The following NPSR1 variants were observed in gnomAD, a reference collection of about 807,000 sequenced individuals.
The protein encoded by NPSR1 is neuropeptide S receptor.
In NPSR1, 48 loss-of-function variants were observed where a neutral mutation model predicts 46.9. The observed-to-expected ratio is 1.02, with a 90% CI of 0.81 to 1.30. The LOEUF is 1.30. Ranked by LOEUF, NPSR1 falls within the 50% of genes most tolerant of loss-of-function variation. The pLI, the probability that NPSR1 is intolerant of heterozygous loss-of-function variation, is 0.00. For missense variants in NPSR1, 450 were observed against 449.5 expected, an observed-to-expected ratio of 1.00 and a Z score of -0.01; for synonymous variants, 176 against 168.1, an observed-to-expected ratio of 1.05 and a Z score of -0.36.
At chr7:34,693,732 T>C (rs1319479960) in intron 2 of NPSR1, among the ~76,000 whole-genome samples, 1 of 152,100 alleles carries the variant, frequency 6.6e-6, no homozygotes, top group Non-Finnish European at 1.5e-5. Context: ...CTGATGGACA[T>C]AGTTGCAAAA....
chr7:34,722,410 G>T (rs994702754), intron 2 of NPSR1, among the ~76,000 whole-genome samples: 5 of 152,128 alleles, frequency 3.3e-5, no homozygotes, highest in Non-Finnish European at 5.9e-5. Flanking sequence ...AGAAAATAAG[G>T]TCTAGAAATC....
intron 2 of NPSR1, among the ~76,000 whole-genome samples, chr7:34,772,932 A>G (rs1005671129): frequency 4.6e-5 from 7 of 152,150 alleles, no homozygotes; most frequent in Non-Finnish European, 8.8e-5. Context: ...GTCCCTAGAC[A>G]CAAAGAGTCC....
intron 8 of NPSR1, among the ~76,000 whole-genome samples, chr7:34,876,741 T>C (rs926042528): frequency 2.6e-5 from 4 of 152,214 alleles, no homozygotes; most frequent in Admixed American, 2.0e-4. Flanking sequence ...TAGGCTGATA[T>C]CTCTTGAGTC....
chr7:34,845,111 G>A, intron 7 of NPSR1, 129 bp downstream of exon 7: 1 of 702,882 alleles, frequency 1.4e-6, no homozygotes, highest in Middle Eastern at 2.4e-4. Context: ...AGAAAGGAAT[G>A]TGTGAAACTC....
At chr7:34,789,900 A>G (rs1190933799) in intron 3 of NPSR1, among the ~76,000 whole-genome samples, 6 of 152,116 alleles carry the variant, frequency 3.9e-5, no homozygotes, top group African/African-American at 1.4e-4. Flanking sequence ...CCATTCCAAG[A>G]AAAGACCAGG....
At chr7:34,718,977 A>T (rs1783711483) in intron 2 of NPSR1, 1 of 152,260 alleles carries the variant, frequency 6.6e-6, no homozygotes, top group South Asian at 2.1e-4. Context: ...CCCAGTACAC[A>T]GGAAGTGACA....
Position 34,875,475 on chromosome 7 carries a change from G to C in NPSR1, c.1026-2601G>C, listed in dbSNP as rs558750109. Among the ~76,000 whole-genome samples, 201 of 152,340 alleles carry C rather than the reference G, an allele frequency of 1.3e-3. 2 individuals are homozygous for C. Among genetic ancestry groups the C allele is most frequent in the African/African-American group, 4.2e-3 (174 of 41,582 alleles). On this transcript the variant is annotated intron_variant, in intron 8 of 8. Coordinates refer to the NPSR1 transcript ENST00000359791. The stretch of plus-strand genomic sequence containing the variant: ...TCTGATTCAAGGAATGAGATGGAAG[G>C]CTGCAAATTCAGGCAGATCACTAAG...
At chr7:34,703,152 G>A (rs1226733949) in intron 2 of NPSR1, among the ~76,000 whole-genome samples, 3 of 152,208 alleles carry the variant, frequency 2.0e-5, no homozygotes, top group African/African-American at 7.2e-5. Flanking sequence ...GAGGTCAGGA[G>A]ATCGAGACCA....
intron 2 of NPSR1, among the ~76,000 whole-genome samples, chr7:34,692,001 C>T (rs1020083053): frequency 6.6e-6 from 1 of 152,124 alleles, no homozygotes; most frequent in African/African-American, 2.4e-5. Context: ...CATAGTAGCA[C>T]ATGCCTGTAG....
chr7:34,849,535 C>T, intron 8 of NPSR1, 30 bp from the exon 9 acceptor site: 1 of 1,612,868 alleles, frequency 6.2e-7, no homozygotes, highest in Non-Finnish European at 8.5e-7. Flanking sequence ...CAAATTATTT[C>T]CCTCCCTGCT....
intron 2 of NPSR1, among the ~76,000 whole-genome samples, chr7:34,754,704 G>T (rs925993158): frequency 1.3e-5 from 2 of 152,120 alleles, no homozygotes; most frequent in Admixed American, 6.6e-5. Context: ...TATATTCACA[G>T]ATATGTATAA....
chr7:34,810,687 A>T (rs1225250862), intron 3 of NPSR1, among the ~76,000 whole-genome samples: 1 of 152,256 alleles, frequency 6.6e-6, no homozygotes, highest in Admixed American at 6.5e-5. Context: ...TGTGGCAGAA[A>T]AAATTAGTTT....
intron 3 of NPSR1, among the ~76,000 whole-genome samples, chr7:34,802,547 C>T (rs1788473258): frequency 6.7e-6 from 1 of 149,956 alleles, no homozygotes; most frequent in Non-Finnish European, 1.5e-5. Context: ...CTTCCTTACA[C>T]CTCATACAAA....
At chr7:34,755,255 A>G (rs1219551958) in intron 2 of NPSR1, among the ~76,000 whole-genome samples, 1 of 152,194 alleles carries the variant, frequency 6.6e-6, no homozygotes, top group African/African-American at 2.4e-5. Context: ...ATCCTCACCA[A>G]CATTTGTTGT....
chr7:34,846,221 C>G (rs1215757641), intron 7 of NPSR1, among the ~76,000 whole-genome samples: 1 of 152,150 alleles, frequency 6.6e-6, no homozygotes, highest in Non-Finnish European at 1.5e-5. Context: ...TGTATGTTTA[C>G]AAGTGTGTCC....
intron 2 of NPSR1, among the ~76,000 whole-genome samples, chr7:34,757,791 C>A (rs1466056442): frequency 1.3e-5 from 2 of 152,210 alleles, no homozygotes; most frequent in Non-Finnish European, 2.9e-5. Flanking sequence ...TCTGCTCCTA[C>A]CTTCCGATGC....
intron 2 of NPSR1, chr7:34,686,184 T>C (rs1792921086): frequency 1.4e-5 from 2 of 145,680 alleles, no homozygotes; most frequent in Admixed American, 1.3e-4. Flanking sequence ...ACAAAAGTTG[T>C]ATGTTCTAAT....
rs201925034 is a variant in NPSR1, at chr7:34,826,901, A to G, written c.479-500A>G. On this transcript the variant is annotated intron_variant, in intron 4 of 8. Coordinates refer to ENST00000360581, the MANE Select transcript of NPSR1 (RefSeq NM_207172.2). ...CATGTTCCTACCAAAAAAAAAAAAAAAGAAAGAAGTTTCCTTCCCATTTGG... is the reference window on the plus strand; with the variant it reads ...CATGTTCCTACCAAAAAAAAAAAAAGAGAAAGAAGTTTCCTTCCCATTTGG... 3.8e-4 allele frequency among the ~76,000 whole-genome samples: 58 copies of G among 151,142 alleles called. No individual in the cohort carries two copies. In the East Asian group the frequency reaches 9.5e-3, roughly 25 times the overall value.
Position 34,849,856 on chromosome 7 carries a change from G to T in NPSR1, c.*201G>T. 6.7e-6 allele frequency: 9 copies of T among 1,335,322 alleles called. No homozygotes were observed. The South Asian group carries it at 1.4e-4, about 21-fold the overall frequency. 82.7% of individuals were successfully genotyped at this position (1,335,322 alleles called of 1,614,324 possible). ...ACGAACTCCCCAGTTATTCATGCCA[G>T]CCAGGAAGGAAACGCCTTCCTTCCC... is the stretch of plus-strand genomic sequence containing the variant. On this transcript the variant is annotated 3_prime_UTR_variant, in exon 9 of 9. Coordinates refer to ENST00000360581, the MANE Select transcript of NPSR1 (RefSeq NM_207172.2).
Sources: gnomAD v4.1 joint callset for allele counts (sites outside exome capture counted in the v4.1 genomes callset) on GRCh38, gnomAD v4.1.1 for gene constraint, MANE v1.5 for transcripts, NCBI Gene and HGNC (gene_info 2026-07-23, HGNC 2026-07-21) for gene names.